The following MYH10 variants were observed in gnomAD, a reference collection of about 807,000 sequenced individuals.
The protein encoded by MYH10 is myosin-10.
MYH10 carries 55 observed loss-of-function variants against 257.8 expected under a neutral mutation model. The observed-to-expected ratio is 0.21, with a 90% CI of 0.17 to 0.27. The LOEUF (loss-of-function observed/expected upper bound fraction) is 0.27, where lower values mean the gene tolerates loss of function less well. Among genes scored for constraint, MYH10 ranks in the 10% least tolerant of loss-of-function variants. The pLI, the probability that MYH10 is intolerant of heterozygous loss-of-function variation, is 1.00. For missense variants in MYH10, 1,631 were observed against 2,500.6 expected (o/e 0.65, Z 7.42); for synonymous variants, 854 against 921.7 (o/e 0.93, Z 1.33).
intron 6 of MYH10, among the ~76,000 whole-genome samples, chr17:8,571,542 C>T (rs535710203): frequency 2.0e-5 from 3 of 152,018 alleles, no homozygotes; most frequent in East Asian, 1.9e-4. Context: ...CAAAACTTTG[C>T]GAGGCCAAGG....
intron 6 of MYH10, chr17:8,573,809 A>C: frequency 1.0e-6 from 1 of 957,178 alleles, no homozygotes; most frequent in Non-Finnish European, 1.2e-6. Context: ...ATATTTGTTC[A>C]TATTTTGAAA....
intron 26 of MYH10, among the ~76,000 whole-genome samples, chr17:8,508,260 G>A (rs1214230789): frequency 6.6e-6 from 1 of 151,866 alleles, no homozygotes; most frequent in Non-Finnish European, 1.5e-5. Flanking sequence ...GCACCACTAC[G>A]CCAGGCTAAT....
chr17:8,563,854 A>AT (rs1472922429), intron 7 of MYH10, among the ~76,000 whole-genome samples: 1 of 151,490 alleles, frequency 6.6e-6, no homozygotes, highest in East Asian at 1.9e-4. Flanking sequence ...GAGGTACATA[A>AT]TAGTTGGAAA....
rs1418676829 is a variant in MYH10, at chr17:8,604,930, A to G, written c.398T>C (p.Ile133Thr). The G allele has an allele frequency of 6.3e-7, 1 of 1,585,934 alleles. No individual in the cohort carries two copies. The highest frequency in any genetic ancestry group is 2.2e-5 in the East Asian group (1 of 44,526). ...CATTTCAATAATATTCTCAGAGTAA[A>G]TTGGAAGATTCTTGTAAGGGTTTAT... Reference protein sequence around the residue: ...VVINPYKNLPIYSENIIEMYR... With the variant: ...VVINPYKNLPTYSENIIEMYR... The change falls in exon 3 of 43, where the codon ATT becomes ACT. Residue 133 changes from isoleucine (I) to threonine (T), a missense_variant. By Grantham distance (89) the Ile-to-Thr change is moderately conservative (BLOSUM62 -1). Coordinates refer to ENST00000360416, the MANE Select transcript of MYH10 (RefSeq NM_001256012.3).
intron 9 of MYH10, among the ~76,000 whole-genome samples, chr17:8,551,322 C>T (rs2082637046): frequency 6.6e-6 from 1 of 151,952 alleles, no homozygotes; most frequent in Admixed American, 6.6e-5. Context: ...CCTTGCAGGT[C>T]ATTCTCTGAT....
chr17:8,491,232 C>T (rs1048033271), intron 34 of MYH10, among the ~76,000 whole-genome samples: 1 of 152,192 alleles, frequency 6.6e-6, no homozygotes, highest in African/African-American at 2.4e-5. Context: ...AATCCTAGGA[C>T]AGGAGGAAGG....
intron 4 of MYH10, among the ~76,000 whole-genome samples, chr17:8,580,712 C>G (rs1241747481): frequency 6.6e-6 from 1 of 152,176 alleles, no homozygotes; most frequent in Admixed American, 6.5e-5. Flanking sequence ...TCTATTCATT[C>G]ATTCAATCAC....
chr17:8,498,661 CGTG>C (rs2151837659), intron 30 of MYH10, among the ~76,000 whole-genome samples: 1 of 152,056 alleles, frequency 6.6e-6, no homozygotes, highest in Admixed American at 6.5e-5. Context: ...TCCTGGCTAA[CGTG>C]GTGAAACCCC....
chr17:8,504,949 C>T lies in MYH10; in HGVS notation c.3387-43G>A. On this transcript the variant is annotated intron_variant, in intron 27 of 42. Coordinates refer to ENST00000360416, the MANE Select transcript of MYH10 (RefSeq NM_001256012.3). This position sits in a 1 kb window ranked among gnomAD's most constrained non-coding sequence, Gnocchi z 5.6. Reference sequence around the variant, plus strand: ...CGCAAGAGGCACTCAGAGATGGCACCCGGATGGCCTGTTTCTCAGGCGAGC... The same window carrying T: ...CGCAAGAGGCACTCAGAGATGGCACTCGGATGGCCTGTTTCTCAGGCGAGC... The T allele has an allele frequency of 1.3e-6, 2 of 1,557,070 alleles. No homozygotes were observed. The highest frequency in any genetic ancestry group is 8.9e-7 in the Non-Finnish European group (1 of 1,129,780).
intron 3 of MYH10, among the ~76,000 whole-genome samples, chr17:8,589,908 AG>A (rs952360847): frequency 2.0e-5 from 3 of 152,228 alleles, no homozygotes; most frequent in Non-Finnish European, 4.4e-5. Context: ...AATGTTCCTC[AG>A]GGAGGCTAGG....
At chr17:8,482,828 G>A (rs1168277318) in intron 37 of MYH10, among the ~76,000 whole-genome samples, 1 of 152,220 alleles carries the variant, frequency 6.6e-6, no homozygotes, top group Non-Finnish European at 1.5e-5. Context: ...GCCCAGGAGC[G>A]CTCTCTAGGA....
intron 9 of MYH10, among the ~76,000 whole-genome samples, chr17:8,550,518 G>A (rs1367821695): frequency 2.0e-5 from 3 of 151,570 alleles, no homozygotes; most frequent in East Asian, 2.0e-4. Context: ...GAGGGAGGTG[G>A]GGGGGACAGC....
chr17:8,553,117 A>T (rs1354279578), intron 8 of MYH10, among the ~76,000 whole-genome samples: 1 of 152,212 alleles, frequency 6.6e-6, no homozygotes, highest in African/African-American at 2.4e-5. Context: ...TATCCCACAC[A>T]TCCTCCACGT....
rs757903088 is a variant in MYH10 at position 8,492,291 on chromosome 17, A to C, written c.4671+6T>G. Reference sequence around the variant, plus strand: ...GCGGAAGTGTGGAGCCCACCAGGCGACTTACGTTTTTTCCCACATCATCTT... The same window carrying C: ...GCGGAAGTGTGGAGCCCACCAGGCGCCTTACGTTTTTTCCCACATCATCTT... On this transcript the variant is annotated splice_donor_region_variant and intron_variant, in intron 34 of 42. Transcript: ENST00000360416. 6.2e-7 allele frequency: 1 copy of C among 1,611,070 alleles called. No homozygotes were observed. Among genetic ancestry groups the C allele is most frequent in the South Asian group, 1.1e-5 (1 of 91,080 alleles).
At position 8,490,843 on chromosome 17, in the gene MYH10, A is replaced by G. The variant is rs573286480; in HGVS notation, c.4672-291T>C. On this transcript the variant is annotated intron_variant, in intron 34 of 42. Coordinates refer to ENST00000360416, the MANE Select transcript of MYH10 (RefSeq NM_001256012.3). This position sits in a 1 kb window ranked among gnomAD's most constrained non-coding sequence, Gnocchi z 4.1. ...CTGAGAGCTCTTCAGTGAGCCAAAGAACAAAGGAAACAGCCATGTCAGGGA... is the reference window on the plus strand; with the variant it reads ...CTGAGAGCTCTTCAGTGAGCCAAAGGACAAAGGAAACAGCCATGTCAGGGA... Among the ~76,000 whole-genome samples, 1 of 152,290 alleles carries G rather than the reference A, an allele frequency of 6.6e-6. No homozygotes were observed. Among genetic ancestry groups the G allele is most frequent in the South Asian group, 2.1e-4 (1 of 4,822 alleles).
At chr17:8,626,578 A>AATT (rs1284109448) in intron 1 of MYH10, among the ~76,000 whole-genome samples, 55 of 140,182 alleles carry the variant, frequency 3.9e-4, no homozygotes, top group African/African-American at 1.3e-3. Context: ...AAATAATAAT[A>AATT]AATAATAATA....
Position 8,474,256 on chromosome 17 carries a change from G to A in MYH10, c.*1548C>T, listed in dbSNP as rs947060952. ...TTATTGAGGTCTCTTTATTCTCCAC[G>A]GGTGCTTTTTTCTTCAAGTAAACAG... On this transcript the variant is annotated 3_prime_UTR_variant, in exon 43 of 43. Coordinates refer to ENST00000360416, the MANE Select transcript of MYH10 (RefSeq NM_001256012.3). The A allele has an allele frequency of 6.6e-6, 1 of 152,570 alleles. No homozygotes were observed. The highest frequency in any genetic ancestry group is 6.5e-5 in the Admixed American group (1 of 15,268). 9.5% of individuals were successfully genotyped at this position (152,570 alleles called of 1,614,324 possible). A position where few individuals can be genotyped will look rare whatever the true frequency, so the allele number is the denominator to read the frequency against.
chr17:8,621,403 A>AGACG (rs1262539914), intron 2 of MYH10, among the ~76,000 whole-genome samples: 2 of 151,866 alleles, frequency 1.3e-5, no homozygotes, highest in Non-Finnish European at 2.9e-5. Context: ...AGGACTCCAA[A>AGACG]GACGGCCACT....
At chr17:8,539,926 A>G (rs1449356911) in intron 14 of MYH10, among the ~76,000 whole-genome samples, 1 of 152,156 alleles carries the variant, frequency 6.6e-6, no homozygotes, top group Non-Finnish European at 1.5e-5. Flanking sequence ...TACCACCACA[A>G]TATTTACACA....
Sources: allele counts gnomAD v4.1 joint callset (sites outside exome capture counted in the v4.1 genomes callset), GRCh38; gene constraint gnomAD v4.1.1; non-coding constraint Gnocchi (gnomAD v3.1); transcripts MANE v1.5; gene names NCBI Gene and HGNC (gene_info 2026-07-23, HGNC 2026-07-21).